Variants in CENPT observed in about 807,000 individuals in gnomAD.
The protein encoded by CENPT is interphase centromere complex protein 22.
CENPT carries 42 observed loss-of-function variants against 59.7 expected under a neutral mutation model. The ratio of observed to expected loss-of-function variants is 0.70; its 90% CI spans 0.55 to 0.91. CENPT has a LOEUF of 0.91. Ranked by LOEUF, CENPT falls within the 40% of genes least tolerant of loss-of-function variation. CENPT has a pLI of 0.00. For missense variants in CENPT, 716 were observed against 713.4 expected (o/e 1.00, Z -0.04); for synonymous variants, 295 against 289.6 (o/e 1.02, Z -0.19).
Position 67,833,885 on chromosome 16 carries a change from C to G in CENPT, c.-26G>C, listed in dbSNP as rs1467351250. ...CGTCTCGGCCCCGGGCCCTCCTAACCGCCCAGCCAGCTGCAGGCTCCGCCT... is the reference window on the plus strand; with the variant it reads ...CGTCTCGGCCCCGGGCCCTCCTAACGGCCCAGCCAGCTGCAGGCTCCGCCT... On this transcript the variant is annotated 5_prime_UTR_variant, in exon 4 of 16. Transcript: ENST00000562787. 1.4e-6 allele frequency: 2 copies of G among 1,426,420 alleles called. No homozygotes were observed. Among genetic ancestry groups the G allele is most frequent in the East Asian group, 2.8e-5 (1 of 36,060 alleles). The allele number at this position is 1,426,420 out of a possible 1,614,324, so 88.4% of individuals were successfully genotyped here.
chr16:67,835,545 T>C lies in CENPT; in HGVS notation c.-378A>G, dbSNP rs964724337. On this transcript the variant is annotated 5_prime_UTR_variant, in exon 2 of 16. Transcript: ENST00000562787. ...GGGTGTAGTGGCACTCACCTATAATTCCAGCTACTCTGGAAACTGAGGCAG... is the reference window on the plus strand; with the variant it reads ...GGGTGTAGTGGCACTCACCTATAATCCCAGCTACTCTGGAAACTGAGGCAG... The C allele has an allele frequency of 1.1e-4, 17 of 151,982 alleles. No individual in the cohort carries two copies. Among genetic ancestry groups the C allele is most frequent in the African/African-American group, 4.1e-4 (17 of 41,446 alleles). The allele number at this position is 151,982 out of a possible 1,614,324, so 9.4% of individuals were successfully genotyped here. A position where few individuals can be genotyped will look rare whatever the true frequency, so the allele number is the denominator to read the frequency against.
At position 67,832,034 on chromosome 16, in the gene CENPT, T is replaced by C. The variant is rs11558533; in HGVS notation, c.364A>G (p.Arg122Gly). 8.6e-3 allele frequency: 13,784 copies of C among 1,608,310 alleles called. 459 individuals are homozygous for C. The East Asian group carries it at 0.12, about 14-fold the overall frequency. Residue 122 changes from arginine (R) to glycine (G), a missense_variant, in exon 7 of 16, where the codon AGA becomes GGA. Physicochemically the swap from Arg to Gly is moderately radical, Grantham distance 125. Transcript: ENST00000562787. ...VPAPQAVQPS[R>G]QESSCGSLEL... The stretch of plus-strand genomic sequence containing the variant: ...TACCTGCCGCAACTGCTCTCTTGTC[T>C]GGAGGGTTGGACCGCCTGCGGTGCT...
chr16:67,839,376 C>T (rs1027940096), intron 1 of CENPT, among the ~76,000 whole-genome samples: 15 of 143,340 alleles, frequency 1.0e-4, no homozygotes, highest in African/African-American at 3.9e-4. Context: ...AACAAAACTC[C>T]ACCTCAAAAA....
At chr16:67,836,671 G>A (rs185984591) in intron 1 of CENPT, among the ~76,000 whole-genome samples, 2 of 151,602 alleles carry the variant, frequency 1.3e-5, no homozygotes, top group Non-Finnish European at 2.9e-5. Flanking sequence ...GGAGTGCAAT[G>A]GCGCAACCTC....
chr16:67,847,336 G>A (rs1156438779), intron 1 of CENPT, 65 bp downstream of exon 1: 3 of 152,378 alleles, frequency 2.0e-5, no homozygotes, highest in African/African-American at 7.2e-5. Context: ...CCCGGCCTGC[G>A]CGAGCCCCGC....
Position 67,842,474 on chromosome 16 carries a change from A to C in CENPT, c.-492+4927T>G. 5.5e-6 allele frequency: 6 copies of C among 1,093,942 alleles called. No individual in the cohort carries two copies. The highest frequency in any genetic ancestry group is 3.5e-5 in the East Asian group (1 of 28,362). 67.8% of individuals were successfully genotyped at this position (1,093,942 alleles called of 1,614,324 possible). On this transcript the variant is annotated intron_variant, in intron 1 of 15. Coordinates refer to ENST00000562787, the MANE Select transcript of CENPT (RefSeq NM_025082.4). This position sits in a 1 kb window ranked among gnomAD's most constrained non-coding sequence, Gnocchi z 4.9. ...AGGCCTCGCGCGGCGCCGCCCGTCG[A>C]GGGGCGGGCGGCGGCGTAGCCACTG...
chr16:67,832,129 G>C (rs1323590464), intron 6 of CENPT, 21 bp from the exon 7 acceptor site: 3 of 1,609,750 alleles, frequency 1.9e-6, no homozygotes. Context: ...ACCAAGGAGA[G>C]GGTGGGGCTG....
At position 67,833,936 on chromosome 16, in the gene CENPT, C is replaced by T; in HGVS notation, c.-77G>A. On this transcript the variant is annotated 5_prime_UTR_variant, in exon 4 of 16. Transcript: ENST00000562787. ...TCCCGCCGCCACAGTTAATGTAACT[C>T]TCGCGATGCTCCCGCACAGCCCCAC... The T allele has an allele frequency of 2.2e-6, 2 of 922,632 alleles. No homozygotes were observed. The highest frequency in any genetic ancestry group is 1.9e-5 in the South Asian group (1 of 51,350). 57.2% of individuals were successfully genotyped at this position (922,632 alleles called of 1,614,324 possible). A position where few individuals can be genotyped will look rare whatever the true frequency, so the allele number is the denominator to read the frequency against.
In CENPT at chr16:67,843,041, A is replaced by G. The variant is rs140098026; in HGVS notation, c.-492+4360T>C. 5 of 1,612,380 alleles carry G rather than the reference A, an allele frequency of 3.1e-6. 1 individual carries two copies. The highest frequency in any genetic ancestry group is 1.6e-4 in the Middle Eastern group (1 of 6,062). On this transcript the variant is annotated intron_variant, in intron 1 of 15. Transcript: ENST00000562787. This position sits in a 1 kb window ranked among gnomAD's most constrained non-coding sequence, Gnocchi z 5.7. ...GGCCGTGCTTCTCACCCTTCAGGCC[A>G]CTGTAGACAGCAGTCAGGCTCCGGG...
At position 67,843,277 on chromosome 16, in the gene CENPT, C is replaced by T. The variant is rs2057777889; in HGVS notation, c.-492+4124G>A. ...GGGAAGAGGGCTTCCCTGATACTGG[C>T]TCCGACCATTCGTACTCCTTGTCGT... On this transcript the variant is annotated intron_variant, in intron 1 of 15. Coordinates refer to ENST00000562787, the MANE Select transcript of CENPT (RefSeq NM_025082.4). This position sits in a 1 kb window ranked among gnomAD's most constrained non-coding sequence, Gnocchi z 5.7. 1 of 1,613,682 alleles carries T rather than the reference C, an allele frequency of 6.2e-7. No individual in the cohort carries two copies. Among genetic ancestry groups the T allele is most frequent in the Non-Finnish European group, 8.5e-7 (1 of 1,179,962 alleles).
Position 67,832,320 on chromosome 16 carries a change from C to T in CENPT, c.202-5G>A, listed in dbSNP as rs113181211. ...ATGGGCCGATCTGCCAACAGACTAT[C>T]GGCAAAGCACCAAGCAACCAGTCTG... On this transcript the variant is annotated splice_region_variant and splice_polypyrimidine_tract_variant and intron_variant, in intron 5 of 15. Transcript: ENST00000562787. 999 of 1,614,042 alleles carry T rather than the reference C, an allele frequency of 6.2e-4. 7 individuals carry two copies. In the African/African-American group the frequency reaches 0.011, roughly 18 times the overall value.
chr16:67,836,064 GTTT>G (rs1025856647), intron 1 of CENPT, among the ~76,000 whole-genome samples: 1 of 146,564 alleles, frequency 6.8e-6, no homozygotes, highest in Non-Finnish European at 1.5e-5. Context: ...TTTTGTTTTT[GTTT>G]TTTGTTTTTT....
Position 67,832,119 on chromosome 16 carries a change from A to G in CENPT, c.290-11T>C, listed in dbSNP as rs755374051. 1.2e-6 allele frequency: 2 copies of G among 1,610,940 alleles called. No homozygotes were observed. The highest frequency in any genetic ancestry group is 1.7e-6 in the Non-Finnish European group (2 of 1,177,598). On this transcript the variant is annotated splice_polypyrimidine_tract_variant and intron_variant, in intron 6 of 15. Transcript: ENST00000562787. ...TGGAAGATTCTGGGGCTGCAGAAACACCAAGGAGAGGGTGGGGCTGACAGA... is the reference window on the plus strand; with the variant it reads ...TGGAAGATTCTGGGGCTGCAGAAACGCCAAGGAGAGGGTGGGGCTGACAGA...
In CENPT at chr16:67,832,273, C is replaced by G; in HGVS notation, c.244G>C (p.Glu82Gln). The change falls in exon 6 of 16, where the codon GAG becomes CAG. Residue 82 changes from glutamate to glutamine, a missense_variant. Glu to Gln is a conservative substitution (Grantham distance 29). Transcript: ENST00000562787. ...SAHIQASGHL[E>Q]EQTPRTLLKN... ...AGCAGCGTCCGAGGTGTCTGTTCCT[C>G]CAAGTGCCCACTGGCCTGAATATGG... The G allele has an allele frequency of 1.2e-6, 2 of 1,614,214 alleles. No homozygotes were observed. Among genetic ancestry groups the G allele is most frequent in the Non-Finnish European group, 8.5e-7 (1 of 1,180,026 alleles).
rs890351545 is a variant in CENPT, at chr16:67,833,843, G to A, written c.17C>T (p.Pro6Leu). 4 of 1,563,802 alleles carry A rather than the reference G, an allele frequency of 2.6e-6. No individual in the cohort carries two copies. The highest frequency in any genetic ancestry group is 1.9e-5 in the Admixed American group (1 of 52,350). Residue 6 changes from proline to leucine, a missense_variant, in exon 4 of 16, where the codon CCT becomes CTT. Coordinates refer to ENST00000562787, the MANE Select transcript of CENPT (RefSeq NM_025082.4). ...CGTGCGCGGCGTGGAGTCGCTGTCA[G>A]GGTTGTGGTCAGCCATCGTCTCGGC... Reference protein sequence around the residue: MADHNPDSDSTPRTLL... With the variant: MADHNLDSDSTPRTLL...
chr16:67,841,010 C>CATACATATATATATATATAT (rs1256263734), intron 1 of CENPT, among the ~76,000 whole-genome samples: 4 of 109,384 alleles, frequency 3.7e-5, no homozygotes, highest in African/African-American at 1.1e-4. Context: ...ATACAAAATA[C>CATACATATATATATATATAT]ATATATATAT....
intron 1 of CENPT, chr16:67,847,001 A>C (rs902641744): frequency 6.6e-6 from 1 of 151,346 alleles, no homozygotes; most frequent in Non-Finnish European, 1.5e-5. Context: ...TGTCGGGGCC[A>C]GCACGCCGGG....
chr16:67,833,436 G>GC (rs1358569702), intron 4 of CENPT, among the ~76,000 whole-genome samples: 1 of 152,226 alleles, frequency 6.6e-6, no homozygotes, highest in Non-Finnish European at 1.5e-5. Context: ...CAGTGGCCGA[G>GC]CCCCCAGAGA....
chr16:67,837,336 G>A (rs2057739862), intron 1 of CENPT, among the ~76,000 whole-genome samples: 2 of 152,014 alleles, frequency 1.3e-5, no homozygotes, highest in South Asian at 4.1e-4. Flanking sequence ...ACCATGCCCA[G>A]CTAATTATTG....
Sources: allele counts gnomAD v4.1 joint callset (sites outside exome capture counted in the v4.1 genomes callset), GRCh38; gene constraint gnomAD v4.1.1; non-coding constraint Gnocchi (gnomAD v3.1); transcripts MANE v1.5; gene names NCBI Gene and HGNC (gene_info 2026-07-23, HGNC 2026-07-21).